The following FHIT variants were observed in gnomAD, a reference collection of about 807,000 sequenced individuals.
FHIT encodes bis(5'-adenosyl)-triphosphatase.
FHIT carries 19 observed loss-of-function variants against 17.9 expected under a neutral mutation model. The ratio of observed to expected loss-of-function variants is 1.06; its 90% CI spans 0.74 to 1.56. The LOEUF is 1.56. FHIT is among the 40% of genes most tolerant of loss of function. The pLI is 0.00. For synonymous variants in FHIT, 81 were observed against 69.7 expected (o/e 1.16, Z -0.81); for missense variants, 248 against 189.2 (o/e 1.31, Z -1.82).
At chr3:61,153,142 CA>C (rs372065718) in intron 2 of FHIT, among the ~76,000 whole-genome samples, 15,421 of 78,304 alleles carry the variant, frequency 0.2, 1,394 homozygotes, top group African/African-American at 0.41. Flanking sequence ...GACTCCATCT[CA>C]AAAAAAAAAA....
intron 5 of FHIT, among the ~76,000 whole-genome samples, chr3:60,350,458 T>C (rs1559843260): frequency 6.6e-6 from 1 of 152,182 alleles, no homozygotes; most frequent in Non-Finnish European, 1.5e-5. Context: ...TTTCTACATA[T>C]TATCTCCAAA....
At chr3:59,790,327 A>T (rs1699493870) in intron 8 of FHIT, among the ~76,000 whole-genome samples, 1 of 152,220 alleles carries the variant, frequency 6.6e-6, no homozygotes, top group Admixed American at 6.5e-5. Flanking sequence ...TGGTTTAAGG[A>T]CACGGTGCAC....
At chr3:60,471,562 C>A (rs537445980) in intron 5 of FHIT, among the ~76,000 whole-genome samples, 4 of 152,206 alleles carry the variant, frequency 2.6e-5, no homozygotes, top group Admixed American at 1.3e-4. Flanking sequence ...TCTTTCTCCA[C>A]GTCTCATGGA....
intron 3 of FHIT, among the ~76,000 whole-genome samples, chr3:60,902,829 C>A (rs1435264837): frequency 6.6e-6 from 1 of 152,108 alleles, no homozygotes; most frequent in African/African-American, 2.4e-5. Context: ...TAGCCTAGGC[C>A]AATTTTGATT....
At chr3:60,278,179 T>C (rs1353348491) in intron 5 of FHIT, among the ~76,000 whole-genome samples, 1 of 152,192 alleles carries the variant, frequency 6.6e-6, no homozygotes, top group African/African-American at 2.4e-5. Context: ...TAGGGGAGAC[T>C]ATACTTTTCT....
At chr3:60,414,826 G>A (rs145404986) in intron 5 of FHIT, among the ~76,000 whole-genome samples, 66 of 152,284 alleles carry the variant, frequency 4.3e-4, no homozygotes, top group African/African-American at 1.5e-3. Flanking sequence ...TATAAGTAAA[G>A]AAGATACCCT....
rs557903484 is a variant in FHIT, at chr3:60,500,864, C to T, written c.103+35996G>A. 2.6e-5 allele frequency among the ~76,000 whole-genome samples: 4 copies of T among 151,592 alleles called. No homozygotes were observed. The South Asian group carries it at 6.3e-4, about 24-fold the overall frequency. Reference sequence around the variant, plus strand: ...ATAAAGAACTAACACAGTGCCTGGCCCCTGGTAAGTACTATACAAGCCTTG... The same window carrying T: ...ATAAAGAACTAACACAGTGCCTGGCTCCTGGTAAGTACTATACAAGCCTTG... On this transcript the variant is annotated intron_variant, in intron 5 of 9. Transcript: ENST00000492590.
chr3:60,707,782 T>C (rs1231373413), intron 4 of FHIT, among the ~76,000 whole-genome samples: 2 of 152,162 alleles, frequency 1.3e-5, no homozygotes, highest in Non-Finnish European at 2.9e-5. Context: ...AGAGAAGCAC[T>C]CCCAAACAGA....
intron 3 of FHIT, among the ~76,000 whole-genome samples, chr3:60,893,014 G>A (rs1434398959): frequency 1.3e-5 from 2 of 152,152 alleles, no homozygotes; most frequent in Non-Finnish European, 2.9e-5. Flanking sequence ...TTCAGAACAT[G>A]CTACCACAAA....
Position 60,441,757 on chromosome 3 carries a change from A to AAT in FHIT, c.103+95101_103+95102dup, listed in dbSNP as rs1553772841. On this transcript the variant is annotated intron_variant, in intron 5 of 9. Transcript: ENST00000492590. ...ATATATATATATTTATATATATAAA[A>AAT]ATATATATATATTTATATGTATAAA... Among the ~76,000 whole-genome samples the AAT allele has an allele frequency of 1.7e-3, 97 of 55,838 alleles. No homozygotes were observed. In the East Asian group the frequency reaches 0.022, roughly 13 times the overall value. 36.6% of individuals were successfully genotyped at this position (55,838 alleles called of 152,430 possible). A position where few individuals can be genotyped will look rare whatever the true frequency, so the allele number is the denominator to read the frequency against.
At chr3:59,885,478 T>C (rs188505545) in intron 8 of FHIT, among the ~76,000 whole-genome samples, 3 of 151,924 alleles carry the variant, frequency 2.0e-5, no homozygotes, top group Admixed American at 1.3e-4. Flanking sequence ...TGTCTCTGAT[T>C]TGATTTGGTC....
chr3:61,024,583 G>C (rs975487101), intron 3 of FHIT, among the ~76,000 whole-genome samples: 3 of 151,870 alleles, frequency 2.0e-5, no homozygotes, highest in African/African-American at 7.2e-5. Context: ...GCAAAGTACA[G>C]GCAAAGAAAG....
chr3:60,536,771 T>C (rs1461381087), intron 5 of FHIT, 89 bp downstream of exon 5: 1 of 1,386,010 alleles, frequency 7.2e-7, no homozygotes, highest in Non-Finnish European at 9.6e-7. Flanking sequence ...TTGGACAGAC[T>C]GGAGGCCAAT....
intron 5 of FHIT, among the ~76,000 whole-genome samples, chr3:60,347,208 C>T (rs1710826926): frequency 6.6e-6 from 1 of 152,180 alleles, no homozygotes; most frequent in Admixed American, 6.6e-5. Flanking sequence ...TTAGTTATTA[C>T]ATTTGCATTG....
chr3:60,147,324 G>T (rs1480856424), intron 5 of FHIT, among the ~76,000 whole-genome samples: 2 of 152,132 alleles, frequency 1.3e-5, no homozygotes, highest in Non-Finnish European at 2.9e-5. Context: ...TTTAGAATAA[G>T]AACTCTTAAT....
At chr3:60,518,484 T>G (rs1443746831) in intron 5 of FHIT, among the ~76,000 whole-genome samples, 2 of 152,216 alleles carry the variant, frequency 1.3e-5, no homozygotes, top group Non-Finnish European at 2.9e-5. Flanking sequence ...TTGAAGTTTA[T>G]GAGATGTGTA....
At position 60,643,392 on chromosome 3, in the gene FHIT, G is replaced by GA. The variant is rs533825457; in HGVS notation, c.-17-106414dup. 1.8e-4 allele frequency among the ~76,000 whole-genome samples: 28 copies of GA among 152,098 alleles called. No individual in the cohort carries two copies. In the South Asian group the frequency reaches 4.6e-3, roughly 25 times the overall value. On this transcript the variant is annotated intron_variant, in intron 4 of 9. Transcript: ENST00000492590. ...ACCATCATCATTCTTCACAGAACTAGAAAAAACAATCCTAAAATTCATATG... is the reference window on the plus strand; with the variant it reads ...ACCATCATCATTCTTCACAGAACTAGAAAAAAACAATCCTAAAATTCATATG...
chr3:61,234,825 AAC>A (rs1440528318), intron 1 of FHIT, among the ~76,000 whole-genome samples: 2 of 152,230 alleles, frequency 1.3e-5, no homozygotes, highest in African/African-American at 2.4e-5. Context: ...GTTAACAAGA[AAC>A]AATTTATTTT....
chr3:60,192,817 T>G (rs184095289), intron 5 of FHIT, among the ~76,000 whole-genome samples: 10 of 152,214 alleles, frequency 6.6e-5, no homozygotes, highest in African/African-American at 2.4e-4. Flanking sequence ...ATGTTTGGTT[T>G]TGACTTTTCG....
Sources: allele counts gnomAD v4.1 joint callset (sites outside exome capture counted in the v4.1 genomes callset), GRCh38; gene constraint gnomAD v4.1.1; transcripts MANE v1.5; gene names NCBI Gene and HGNC (gene_info 2026-07-23, HGNC 2026-07-21).